Variants in RAP1A observed in about 807,000 individuals in gnomAD.
RAP1A encodes ras-related protein Rap-1A.
A neutral mutation model predicts 26.4 loss-of-function variants in RAP1A; 6 were observed. The ratio of observed to expected loss-of-function variants is 0.23; its 90% CI spans 0.12 to 0.45. RAP1A has a LOEUF of 0.45. RAP1A is among the 20% of genes least tolerant of loss of function. The probability of loss-of-function intolerance (pLI) is 0.99; values close to 1 mark genes in which losing one functional copy is unlikely to be tolerated. For synonymous variants in RAP1A, 73 were observed against 79.4 expected, an observed-to-expected ratio of 0.92 and a Z score of 0.43; for missense variants, 121 against 217.2, an observed-to-expected ratio of 0.56 and a Z score of 2.78.
At chr1:111,632,820 C>T (rs1210011732) in intron 1 of RAP1A, among the ~76,000 whole-genome samples, 1 of 149,730 alleles carries the variant, frequency 6.7e-6, no homozygotes, top group South Asian at 2.1e-4. Flanking sequence ...ACTCAGGAGG[C>T]TGAGGCAGGA....
intron 1 of RAP1A, among the ~76,000 whole-genome samples, chr1:111,672,625 T>C (rs1661009733): frequency 6.6e-6 from 1 of 152,162 alleles, no homozygotes; most frequent in Non-Finnish European, 1.5e-5. Context: ...ACTCCATAGA[T>C]AGGTATCCCC....
chr1:111,563,205 G>A (rs536663759), intron 1 of RAP1A, among the ~76,000 whole-genome samples: 41 of 152,064 alleles, frequency 2.7e-4, no homozygotes, highest in Non-Finnish European at 4.9e-4. Context: ...AGCCCAGGAG[G>A]TTGAGGCCAC....
At chr1:111,674,782 C>A (rs1661073680) in intron 1 of RAP1A, among the ~76,000 whole-genome samples, 1 of 152,078 alleles carries the variant, frequency 6.6e-6, no homozygotes. Context: ...CAGTTTTATC[C>A]TCAGAAAAGC....
intron 1 of RAP1A, among the ~76,000 whole-genome samples, chr1:111,565,070 G>A (rs1044469579): frequency 6.6e-6 from 1 of 152,168 alleles, no homozygotes; most frequent in Non-Finnish European, 1.5e-5. Context: ...ATGCAGTAAG[G>A]GAAGAAGCGA....
intron 1 of RAP1A, among the ~76,000 whole-genome samples, 170 bp from the exon 2 acceptor site, chr1:111,691,164 C>G (rs1661653942): frequency 6.6e-6 from 1 of 152,126 alleles, no homozygotes; most frequent in Non-Finnish European, 1.5e-5. Flanking sequence ...GAAAGTAATC[C>G]TATAAACTTA....
intron 6 of RAP1A, among the ~76,000 whole-genome samples, chr1:111,706,308 C>T (rs2101299987): frequency 6.6e-6 from 1 of 152,192 alleles, no homozygotes; most frequent in South Asian, 2.1e-4. Flanking sequence ...TTAATAGTTC[C>T]TCACACAACT....
intron 4 of RAP1A, among the ~76,000 whole-genome samples, chr1:111,699,881 C>A (rs1453339715): frequency 6.6e-6 from 1 of 152,136 alleles, no homozygotes; most frequent in African/African-American, 2.4e-5. Flanking sequence ...GCTTCAGGTC[C>A]ACGGTCCATC....
At chr1:111,569,952 C>T (rs1658014071) in intron 1 of RAP1A, among the ~76,000 whole-genome samples, 1 of 152,158 alleles carries the variant, frequency 6.6e-6, no homozygotes, top group African/African-American at 2.4e-5. Flanking sequence ...GGTATTCCTT[C>T]CACTTGGACA....
intron 6 of RAP1A, chr1:111,706,809 A>G (rs886094807): frequency 5.3e-5 from 46 of 874,350 alleles, no homozygotes; most frequent in Non-Finnish European, 6.2e-5. Flanking sequence ...AATAATTTAG[A>G]ATAATACTAC....
intron 1 of RAP1A, among the ~76,000 whole-genome samples, chr1:111,661,181 G>T (rs1292358969): frequency 6.6e-6 from 1 of 152,216 alleles, no homozygotes; most frequent in Non-Finnish European, 1.5e-5. Context: ...TGTAAGCCAT[G>T]TTAACATCTT....
At chr1:111,568,666 C>T (rs575531493) in intron 1 of RAP1A, among the ~76,000 whole-genome samples, 59 of 152,232 alleles carry the variant, frequency 3.9e-4, no homozygotes, top group African/African-American at 1.4e-3. Flanking sequence ...ACATTTGACC[C>T]CTAAACAACA....
intron 1 of RAP1A, among the ~76,000 whole-genome samples, chr1:111,671,106 A>T (rs1302915901): frequency 2.0e-5 from 3 of 152,234 alleles, no homozygotes; most frequent in African/African-American, 4.8e-5. Flanking sequence ...CATAAGGAAG[A>T]TGAGGGGAAA....
intron 2 of RAP1A, among the ~76,000 whole-genome samples, chr1:111,692,605 A>G (rs976404094): frequency 2.0e-5 from 3 of 152,150 alleles, no homozygotes; most frequent in African/African-American, 4.8e-5. Flanking sequence ...AACAACCTAA[A>G]TGTATTCCAT....
rs554171611 is a variant in RAP1A, at chr1:111,671,712, G to A, written c.-27-19622G>A. Among the ~76,000 whole-genome samples, 5 of 152,286 alleles carry A rather than the reference G, an allele frequency of 3.3e-5. No homozygotes were observed. The East Asian group carries it at 7.7e-4, about 24-fold the overall frequency. ...TAGTCTTGAACTCCTAACCTGAAGCGATCCACCCGCCTTGGCCTCCCAAAG... is the reference window on the plus strand; with the variant it reads ...TAGTCTTGAACTCCTAACCTGAAGCAATCCACCCGCCTTGGCCTCCCAAAG... On this transcript the variant is annotated intron_variant, in intron 1 of 7. Coordinates refer to ENST00000369709, the MANE Select transcript of RAP1A (RefSeq NM_002884.4).
intron 1 of RAP1A, among the ~76,000 whole-genome samples, chr1:111,687,468 A>C (rs979178486): frequency 6.6e-6 from 1 of 152,182 alleles, no homozygotes; most frequent in Non-Finnish European, 1.5e-5. Flanking sequence ...TCAGCCTCAC[A>C]AAGTGCTGGG....
rs573435904 is a variant in RAP1A at position 111,646,563 on chromosome 1, C to T, written c.-28+26629C>T. The stretch of plus-strand genomic sequence containing the variant: ...CTCTTTTTCTTTCTTTTTTTTTGGA[C>T]GGAGTCTCACTCTGTCCCCTAGGCT... On this transcript the variant is annotated intron_variant, in intron 1 of 7. Coordinates refer to ENST00000369709, the MANE Select transcript of RAP1A (RefSeq NM_002884.4). Among the ~76,000 whole-genome samples the T allele has an allele frequency of 1.3e-3, 200 of 151,076 alleles. 1 individual carries two copies. The highest frequency in any genetic ancestry group is 2.1e-3 in the Non-Finnish European group (141 of 67,834).
At chr1:111,595,485 A>G (rs990043795) in intron 1 of RAP1A, among the ~76,000 whole-genome samples, 4 of 152,320 alleles carry the variant, frequency 2.6e-5, no homozygotes, top group African/African-American at 9.6e-5. Flanking sequence ...TAGAGATGAC[A>G]TTTTCAATGA....
intron 1 of RAP1A, among the ~76,000 whole-genome samples, chr1:111,667,637 G>A (rs12095956): frequency 0.061 from 9,210 of 150,770 alleles, 296 homozygotes; most frequent in South Asian, 0.087. Context: ...AGCCAAGATC[G>A]CGCCATCACA....
intron 1 of RAP1A, among the ~76,000 whole-genome samples, chr1:111,547,194 A>G (rs1196307785): frequency 9.2e-5 from 14 of 152,144 alleles, no homozygotes; most frequent in Non-Finnish European, 1.9e-4. Context: ...GAAATTTTCA[A>G]CCTTTCACCA....
Sources: gnomAD v4.1 joint callset for allele counts (sites outside exome capture counted in the v4.1 genomes callset) on GRCh38, gnomAD v4.1.1 for gene constraint, MANE v1.5 for transcripts, NCBI Gene and HGNC (gene_info 2026-07-23, HGNC 2026-07-21) for gene names.